The following MB21D2 variants were observed in gnomAD, a reference collection of about 807,000 sequenced individuals.
The protein encoded by MB21D2 is nucleotidyltransferase MB21D2.
In MB21D2, 9 loss-of-function variants were observed where a neutral mutation model predicts 33.3. That is an observed-to-expected ratio of 0.27 (90% CI 0.16 to 0.47). The LOEUF (loss-of-function observed/expected upper bound fraction) is 0.47, where lower values mean the gene tolerates loss of function less well. Ranked by LOEUF, MB21D2 falls within the 20% of genes least tolerant of loss-of-function variation. The pLI is 0.99. For missense variants in MB21D2, 540 were observed against 624.6 expected (o/e 0.86, Z 1.44); for synonymous variants, 241 against 236.3 (o/e 1.02, Z -0.18).
intron 1 of MB21D2, among the ~76,000 whole-genome samples, chr3:192,900,569 T>C (rs1449394560): frequency 6.6e-6 from 1 of 152,156 alleles, no homozygotes; most frequent in Admixed American, 6.5e-5. Flanking sequence ...GCTTCTTTTT[T>C]TTTTCTTTGC....
At chr3:192,826,667 G>A (rs1258471083) in intron 1 of MB21D2, among the ~76,000 whole-genome samples, 1 of 152,176 alleles carries the variant, frequency 6.6e-6, no homozygotes, top group East Asian at 1.9e-4. Flanking sequence ...AATCTCAGAA[G>A]GCAGACAAGT....
intron 1 of MB21D2, among the ~76,000 whole-genome samples, chr3:192,909,213 A>G (rs1468855194): frequency 4.6e-5 from 7 of 151,430 alleles, no homozygotes; most frequent in Non-Finnish European, 7.4e-5. Flanking sequence ...CCGAGATCGC[A>G]CCACTGCACT....
chr3:192,902,471 G>C (rs1714123782), intron 1 of MB21D2, among the ~76,000 whole-genome samples: 2 of 152,154 alleles, frequency 1.3e-5, no homozygotes, highest in Non-Finnish European at 2.9e-5. Context: ...CTGTTGTGAG[G>C]ATTAAATGGA....
chr3:192,804,970 C>T (rs1711632774), intron 1 of MB21D2, among the ~76,000 whole-genome samples: 1 of 152,182 alleles, frequency 6.6e-6, no homozygotes, highest in African/African-American at 2.4e-5. Context: ...TTTCCTCGTT[C>T]ATGCCCAGAA....
intron 1 of MB21D2, among the ~76,000 whole-genome samples, chr3:192,835,843 GAA>G (rs781395216): frequency 3.0e-5 from 4 of 131,250 alleles, no homozygotes; most frequent in African/African-American, 8.4e-5. Flanking sequence ...AAGATTGGGG[GAA>G]AAAAAAAAAA....
chr3:192,907,582 C>T lies in MB21D2; in HGVS notation c.211+10048G>A, dbSNP rs116207070. On this transcript the variant is annotated intron_variant, in intron 1 of 1. Transcript: ENST00000392452. ...CATCACCTCCCAGAGTCTCAGTACT[C>T]CCATCTAGAAATGGGGATTAATACT... is the stretch of plus-strand genomic sequence containing the variant. 3.2e-3 allele frequency among the ~76,000 whole-genome samples: 491 copies of T among 152,226 alleles called. 5 individuals are homozygous for T. The highest frequency in any genetic ancestry group is 0.011 in the African/African-American group (475 of 41,522).
intron 1 of MB21D2, among the ~76,000 whole-genome samples, chr3:192,910,977 A>C (rs11713889): frequency 0.023 from 3,483 of 152,366 alleles, 63 homozygotes; most frequent in Non-Finnish European, 0.039. Context: ...CATGAAGTAC[A>C]TATAATGATT....
rs1273270397 is a variant in MB21D2 at position 192,799,818 on chromosome 3, G to A, written c.212-168C>T. ...TGGCCAACAGTACTTTCTCACTAGT[G>A]CTAGAATCCACCCTTTTCCAAATGC... On this transcript the variant is annotated intron_variant, in intron 1 of 1. Transcript: ENST00000392452. This position sits in a 1 kb window ranked among gnomAD's most constrained non-coding sequence, Gnocchi z 4.1. 6.6e-6 allele frequency among the ~76,000 whole-genome samples: 1 copy of A among 152,150 alleles called. No homozygotes were observed. The highest frequency in any genetic ancestry group is 6.5e-5 in the Admixed American group (1 of 15,270).
At chr3:192,822,406 T>A (rs1456130097) in intron 1 of MB21D2, among the ~76,000 whole-genome samples, 1 of 152,178 alleles carries the variant, frequency 6.6e-6, no homozygotes, top group Admixed American at 6.5e-5. Flanking sequence ...GGCAGAGACT[T>A]CATTAATAGT....
At chr3:192,816,061 T>C (rs182752131) in intron 1 of MB21D2, among the ~76,000 whole-genome samples, 156 of 152,230 alleles carry the variant, frequency 1.0e-3, no homozygotes, top group African/African-American at 1.6e-3. Flanking sequence ...ACAGTTTGAA[T>C]AGAGGTGTAC....
At chr3:192,835,348 C>A (rs529916923) in intron 1 of MB21D2, among the ~76,000 whole-genome samples, 3 of 145,532 alleles carry the variant, frequency 2.1e-5, no homozygotes, top group Non-Finnish European at 4.5e-5. Flanking sequence ...CCCAGCTACT[C>A]GGGAGGTTGA....
chr3:192,804,867 G>A (rs1711630280), intron 1 of MB21D2, among the ~76,000 whole-genome samples: 1 of 152,196 alleles, frequency 6.6e-6, no homozygotes, highest in African/African-American at 2.4e-5. Flanking sequence ...ACATTCTGAG[G>A]AACGTCTGAG....
intron 1 of MB21D2, among the ~76,000 whole-genome samples, chr3:192,886,092 T>C (rs993101123): frequency 8.5e-5 from 13 of 152,048 alleles, no homozygotes; most frequent in Non-Finnish European, 2.9e-5. Flanking sequence ...CCCAAGTAGC[T>C]GGGATTACAG....
At chr3:192,869,025 G>A (rs1034301150) in intron 1 of MB21D2, among the ~76,000 whole-genome samples, 1 of 152,166 alleles carries the variant, frequency 6.6e-6, no homozygotes, top group Non-Finnish European at 1.5e-5. Context: ...ATAAGAGGAA[G>A]AGGGTGGATC....
intron 1 of MB21D2, among the ~76,000 whole-genome samples, chr3:192,804,010 C>A (rs1711609925): frequency 6.6e-6 from 1 of 152,188 alleles, no homozygotes; most frequent in South Asian, 2.1e-4. Flanking sequence ...CACTCAACCT[C>A]TTTTCCTGTA....
rs183792216 is a variant in MB21D2 at position 192,797,494 on chromosome 3, G to A, written c.*892C>T. 3 of 152,682 alleles carry A rather than the reference G, an allele frequency of 2.0e-5. No homozygotes were observed. The highest frequency in any genetic ancestry group is 1.9e-4 in the East Asian group (1 of 5,180). The allele number at this position is 152,682 out of a possible 1,614,324, so 9.5% of individuals were successfully genotyped here. The stretch of plus-strand genomic sequence containing the variant: ...AAAGCAGGACCCCACAACTGAAGGA[G>A]AACTAAGCAAATGCAAAGAATCATT... On this transcript the variant is annotated 3_prime_UTR_variant, in exon 2 of 2. Transcript: ENST00000392452.
chr3:192,907,286 G>A (rs1195598172), intron 1 of MB21D2, among the ~76,000 whole-genome samples: 1 of 151,970 alleles, frequency 6.6e-6, no homozygotes, highest in Non-Finnish European at 1.5e-5. Flanking sequence ...ATGTCTATAG[G>A]GCTTGTATTT....
At chr3:192,853,040 C>G (rs1392760676) in intron 1 of MB21D2, among the ~76,000 whole-genome samples, 2 of 151,752 alleles carry the variant, frequency 1.3e-5, no homozygotes, top group East Asian at 1.9e-4. Flanking sequence ...CTCTCTCTCT[C>G]TCTCTCTCTC....
chr3:192,843,683 C>G (rs1241164046), intron 1 of MB21D2, among the ~76,000 whole-genome samples: 4 of 152,154 alleles, frequency 2.6e-5, no homozygotes, highest in African/African-American at 7.2e-5. Context: ...AAAATTGTAA[C>G]AGAAAACCTA....
Sources: gnomAD v4.1 joint callset for allele counts (sites outside exome capture counted in the v4.1 genomes callset) on GRCh38, gnomAD v4.1.1 for gene constraint, Gnocchi (gnomAD v3.1) non-coding constraint, MANE v1.5 for transcripts, NCBI Gene and HGNC (gene_info 2026-07-23, HGNC 2026-07-21) for gene names.